The following WNK2 variants were observed in gnomAD, a reference collection of about 807,000 sequenced individuals.
WNK2 encodes serine/threonine-protein kinase WNK2.
WNK2 carries 67 observed loss-of-function variants against 192.1 expected under a neutral mutation model. The observed-to-expected ratio is 0.35, with a 90% confidence interval of 0.29 to 0.43. WNK2 has a LOEUF of 0.43. WNK2 is among the 20% of genes least tolerant of loss of function. The pLI is 1.00. For synonymous variants in WNK2, 1,439 were observed against 1,393.9 expected, an observed-to-expected ratio of 1.03 and a Z score of -0.72; for missense variants, 2,698 against 3,089.7, an observed-to-expected ratio of 0.87 and a Z score of 3.01.
At chr9:93,303,502 G>A (rs1037470721) in intron 26 of WNK2, among the ~76,000 whole-genome samples, 4 of 152,208 alleles carry the variant, frequency 2.6e-5, no homozygotes, top group East Asian at 1.9e-4. Flanking sequence ...TTCTCCCACC[G>A]TGGAATGCTT....
chr9:93,201,906 C>T (rs1045152007), intron 2 of WNK2, among the ~76,000 whole-genome samples: 1 of 152,210 alleles, frequency 6.6e-6, no homozygotes, highest in African/African-American at 2.4e-5. Flanking sequence ...TCAGGCAGGC[C>T]CTTTGTGCCC....
At chr9:93,281,561 A>T (rs894103739) in intron 19 of WNK2, among the ~76,000 whole-genome samples, 2 of 152,106 alleles carry the variant, frequency 1.3e-5, no homozygotes, top group Non-Finnish European at 2.9e-5. Flanking sequence ...TTACAGTGAG[A>T]TGGTCAAACA....
intron 1 of WNK2, among the ~76,000 whole-genome samples, chr9:93,184,616 C>T (rs981650266): frequency 1.3e-5 from 2 of 151,864 alleles, no homozygotes; most frequent in African/African-American, 4.8e-5. Context: ...GCGCGAGATC[C>T]CTCTGCCGGC....
chr9:93,205,562 G>A (rs1032599018), intron 2 of WNK2, among the ~76,000 whole-genome samples: 1 of 151,820 alleles, frequency 6.6e-6, no homozygotes, highest in Admixed American at 6.5e-5. Flanking sequence ...CCTTCGGCCC[G>A]CCCCGCGGCC....
chr9:93,215,459 C>G (rs1280588383), intron 2 of WNK2, among the ~76,000 whole-genome samples: 1 of 152,118 alleles, frequency 6.6e-6, no homozygotes, highest in Non-Finnish European at 1.5e-5. Context: ...CCCTCTTTTC[C>G]AGAACCCCAT....
intron 2 of WNK2, among the ~76,000 whole-genome samples, chr9:93,193,171 C>T (rs1830629999): frequency 6.6e-6 from 1 of 152,082 alleles, no homozygotes; most frequent in Non-Finnish European, 1.5e-5. Context: ...GGAAGGACGT[C>T]GCCCCAAAGG....
At chr9:93,278,072 T>C (rs541324219) in intron 19 of WNK2, among the ~76,000 whole-genome samples, 28 of 152,046 alleles carry the variant, frequency 1.8e-4, no homozygotes, top group Non-Finnish European at 3.4e-4. Flanking sequence ...GCTTCGAACA[T>C]CAGTCAGTGA....
In WNK2 at chr9:93,300,420, C is replaced by T. The variant is rs538005984; in HGVS notation, c.6214+271C>T. On this transcript the variant is annotated intron_variant, in intron 26 of 29. Transcript: ENST00000427277. ...CATGTGCAGCGGCTGGCCTGCCTTC[C>T]GCCCCGGGCACCTCTGCCCAGAAGG... 29 of 347,740 alleles carry T rather than the reference C, an allele frequency of 8.3e-5. No homozygotes were observed. In the South Asian group the frequency reaches 1.3e-3, roughly 15 times the overall value. 21.5% of individuals were successfully genotyped at this position (347,740 alleles called of 1,614,324 possible). A position where few individuals can be genotyped will look rare whatever the true frequency, so the allele number is the denominator to read the frequency against.
chr9:93,222,803 C>T (rs1364707283), intron 2 of WNK2, among the ~76,000 whole-genome samples: 1 of 152,120 alleles, frequency 6.6e-6, no homozygotes, highest in Non-Finnish European at 1.5e-5. Context: ...CTGCCTCAGC[C>T]TCCCGAGTAG....
At chr9:93,256,790 G>A in intron 10 of WNK2, 158 bp from the exon 11 acceptor site, 5 of 734,930 alleles carry the variant, frequency 6.8e-6, no homozygotes, top group South Asian at 1.9e-5. Context: ...ATGTGTATAC[G>A]TGTGACTGTG....
chr9:93,192,298 C>T (rs540331621), intron 2 of WNK2, among the ~76,000 whole-genome samples: 2 of 150,196 alleles, frequency 1.3e-5, no homozygotes. Flanking sequence ...GGCGACAGAG[C>T]GAGACTCCGT....
chr9:93,308,438 G>C lies in WNK2; in HGVS notation c.6370G>C (p.Asp2124His). The change falls in exon 28 of 30, where the codon GAC becomes CAC. Residue 2124 changes from aspartate to histidine, a missense_variant. Asp to His is a moderately conservative substitution (Grantham distance 81). This residue lies in a region of WNK2 where 167 missense variants were observed against 184.2 expected (regional missense o/e 0.91). Coordinates refer to ENST00000427277, the MANE Select transcript of WNK2 (RefSeq NM_006648.4). ...SNNKKGTFTD[D>H]LHKLVDEWTS... is the part of the protein sequence containing the mutation. Reference sequence around the variant, plus strand: ...CAACAAGAAGGGTACCTTCACGGACGACCTGCACAAGCTGGTGGACGAGTG... The same window carrying C: ...CAACAAGAAGGGTACCTTCACGGACCACCTGCACAAGCTGGTGGACGAGTG... 6.2e-7 allele frequency: 1 copy of C among 1,609,172 alleles called. No homozygotes were observed. Among genetic ancestry groups the C allele is most frequent in the Non-Finnish European group, 8.5e-7 (1 of 1,178,250 alleles).
chr9:93,315,718 T>G lies in WNK2; in HGVS notation c.6517-1802T>G, dbSNP rs986466485. 2.6e-5 allele frequency: 4 copies of G among 152,168 alleles called. No homozygotes were observed. In the East Asian group the frequency reaches 7.7e-4, roughly 29 times the overall value. 9.4% of individuals were successfully genotyped at this position (152,168 alleles called of 1,614,324 possible). A position where few individuals can be genotyped will look rare whatever the true frequency, so the allele number is the denominator to read the frequency against. ...TACAAGTTTATTTGGGTACAAAGAT[T>G]TTTTTTGAAAGTCATGCATAGTTTT... On this transcript the variant is annotated intron_variant, in intron 28 of 29. Coordinates refer to ENST00000427277, the MANE Select transcript of WNK2 (RefSeq NM_006648.4).
At chr9:93,253,621 T>C (rs1295002107) in intron 9 of WNK2, among the ~76,000 whole-genome samples, 1 of 151,792 alleles carries the variant, frequency 6.6e-6, no homozygotes, top group East Asian at 1.9e-4. Flanking sequence ...CCAGATATTG[T>C]GTAGCGGTTA....
In WNK2 at chr9:93,259,868, T is replaced by C. The variant is rs1216055628; in HGVS notation, c.3066+254T>C. 6.6e-6 allele frequency among the ~76,000 whole-genome samples: 1 copy of C among 152,256 alleles called. No homozygotes were observed. The highest frequency in any genetic ancestry group is 1.5e-5 in the Non-Finnish European group (1 of 68,040). Reference sequence around the variant, plus strand: ...TAGGTTCTGTGTCCCTACCTTCCCATGGCTCTGTGGCCCCTGCTCTTGTGG... The same window carrying C: ...TAGGTTCTGTGTCCCTACCTTCCCACGGCTCTGTGGCCCCTGCTCTTGTGG... On this transcript the variant is annotated intron_variant, in intron 12 of 29. Coordinates refer to ENST00000427277, the MANE Select transcript of WNK2 (RefSeq NM_006648.4). The surrounding 1 kb of genome is among the most constrained non-coding windows in gnomAD (Gnocchi z 4.8).
intron 28 of WNK2, chr9:93,316,881 G>C (rs1588668843): frequency 6.5e-6 from 1 of 153,270 alleles, no homozygotes; most frequent in Non-Finnish European, 1.5e-5. Context: ...TCCAGCCCCT[G>C]ACTGCCGAGC....
chr9:93,196,983 C>CCA (rs1175451657), intron 2 of WNK2, among the ~76,000 whole-genome samples: 3 of 152,186 alleles, frequency 2.0e-5, no homozygotes, highest in Non-Finnish European at 4.4e-5. Context: ...CATCTGTGGG[C>CCA]CCTGATGATT....
intron 2 of WNK2, among the ~76,000 whole-genome samples, chr9:93,215,882 G>T (rs115537210): frequency 6.6e-6 from 1 of 151,928 alleles, no homozygotes; most frequent in Non-Finnish European, 1.5e-5. Context: ...GATCTTCTTG[G>T]TCATTTTTTA....
chr9:93,211,495 C>G (rs1487459892), intron 2 of WNK2, among the ~76,000 whole-genome samples: 1 of 151,120 alleles, frequency 6.6e-6, no homozygotes, highest in Middle Eastern at 3.4e-3. Flanking sequence ...CTCATCCACT[C>G]ATTCATTCAC....
Sources: gnomAD v4.1 joint callset for allele counts (sites outside exome capture counted in the v4.1 genomes callset) on GRCh38, gnomAD v4.1.1 for gene constraint, gnomAD v4.1.1 regional missense constraint, Gnocchi (gnomAD v3.1) non-coding constraint, MANE v1.5 for transcripts, NCBI Gene and HGNC (gene_info 2026-07-23, HGNC 2026-07-21) for gene names.